OPA1: variants seen among roughly 807,000 people sequenced by gnomAD.
OPA1 encodes OPA1 mitochondrial dynamin like GTPase.
A neutral mutation model predicts 152.9 loss-of-function variants in OPA1; 59 were observed. That is an observed-to-expected ratio of 0.39 (90% CI 0.31 to 0.48). The LOEUF (loss-of-function observed/expected upper bound fraction) is 0.48, where lower values mean the gene tolerates loss of function less well. OPA1 is among the 20% of genes least tolerant of loss of function. The probability of loss-of-function intolerance (pLI) is 0.96; values close to 1 mark genes in which losing one functional copy is unlikely to be tolerated. For missense variants in OPA1, 1,008 were observed against 1,216.8 expected (o/e 0.83, Z 2.55); for synonymous variants, 400 against 389.9 (o/e 1.03, Z -0.31).
At chr3:193,600,480 T>C (rs1726296165) in intron 1 of OPA1, among the ~76,000 whole-genome samples, 2 of 152,196 alleles carry the variant, frequency 1.3e-5, no homozygotes, top group African/African-American at 2.4e-5. Flanking sequence ...GGGACTATTA[T>C]TATGACTGTT....
At chr3:193,607,646 C>T (rs1727500706) in intron 1 of OPA1, among the ~76,000 whole-genome samples, 1 of 152,178 alleles carries the variant, frequency 6.6e-6, no homozygotes, top group Non-Finnish European at 1.5e-5. Context: ...GTACCAGTAC[C>T]ATGCTGTTTT....
intron 1 of OPA1, among the ~76,000 whole-genome samples, chr3:193,612,741 C>T (rs968388634): frequency 6.6e-6 from 1 of 152,148 alleles, no homozygotes; most frequent in Non-Finnish European, 1.5e-5. Context: ...GTCCCAGACT[C>T]CTTGGATTGA....
intron 1 of OPA1, among the ~76,000 whole-genome samples, chr3:193,602,467 A>G (rs1293622929): frequency 2.6e-5 from 4 of 152,226 alleles, no homozygotes; most frequent in African/African-American, 9.6e-5. Context: ...GGCGTAATAC[A>G]TTAAAGCCTT....
chr3:193,639,096 G>C (rs889983683), intron 11 of OPA1, among the ~76,000 whole-genome samples: 1 of 152,192 alleles, frequency 6.6e-6, no homozygotes, highest in African/African-American at 2.4e-5. Context: ...GTCCATATCT[G>C]GGAGCACTGA....
Position 193,607,655 on chromosome 3 carries a change from T to C in OPA1, c.33-7068T>C, listed in dbSNP as rs141743698. On this transcript the variant is annotated intron_variant, in intron 1 of 30. Coordinates refer to ENST00000361510, the MANE Select transcript of OPA1 (RefSeq NM_130837.3). ...GTTTTGGTACCAGTACCATGCTGTT[T>C]TGGTGACTGTAGCCTTGTATAGTTT... Among the ~76,000 whole-genome samples the C allele has an allele frequency of 5.2e-3, 797 of 152,326 alleles. 5 individuals are homozygous for C. Among genetic ancestry groups the C allele is most frequent in the Non-Finnish European group, 9.3e-3 (634 of 68,038 alleles).
chr3:193,654,134 C>G (rs990825731), intron 21 of OPA1, among the ~76,000 whole-genome samples: 5 of 152,112 alleles, frequency 3.3e-5, no homozygotes, highest in African/African-American at 1.2e-4. Flanking sequence ...TGGAAACAGC[C>G]TAAGGGTCTA....
At position 193,695,289 on chromosome 3, in the gene OPA1, A is replaced by G. The variant is rs1188594211; in HGVS notation, c.*689A>G. 6.6e-6 allele frequency: 1 copy of G among 152,076 alleles called. No individual in the cohort carries two copies. The highest frequency in any genetic ancestry group is 1.5e-5 in the Non-Finnish European group (1 of 67,992). 9.4% of individuals were successfully genotyped at this position (152,076 alleles called of 1,614,324 possible). A position where few individuals can be genotyped will look rare whatever the true frequency, so the allele number is the denominator to read the frequency against. On this transcript the variant is annotated 3_prime_UTR_variant, in exon 31 of 31. Transcript: ENST00000361510. ...TATTTGATTCAGTTGCTGTTTTCTC[A>G]CTCTCTATATCCATTTGAAATTGAT...
chr3:193,609,321 T>C (rs1032209476), intron 1 of OPA1, among the ~76,000 whole-genome samples: 13 of 152,224 alleles, frequency 8.5e-5, no homozygotes, highest in Non-Finnish European at 1.3e-4. Flanking sequence ...GGATATGAAA[T>C]TCTGGGTTGA....
At chr3:193,663,611 A>G (rs1030834256) in intron 26 of OPA1, among the ~76,000 whole-genome samples, 30 of 152,234 alleles carry the variant, frequency 2.0e-4, no homozygotes, top group African/African-American at 7.0e-4. Flanking sequence ...AGCTCCTTAT[A>G]ATATTAGCTT....
chr3:193,675,133 G>A (rs1186061838), intron 29 of OPA1, among the ~76,000 whole-genome samples: 2 of 151,680 alleles, frequency 1.3e-5, no homozygotes, highest in African/African-American at 4.9e-5. Flanking sequence ...CATCTGCACT[G>A]GTGTGTTCTT....
At chr3:193,595,557 T>A (rs924643397) in intron 1 of OPA1, among the ~76,000 whole-genome samples, 1 of 152,258 alleles carries the variant, frequency 6.6e-6, no homozygotes, top group African/African-American at 2.4e-5. Context: ...TTATTGCTGC[T>A]GAGAATTCTT....
chr3:193,615,951 C>G (rs1033754521), intron 3 of OPA1, among the ~76,000 whole-genome samples, 181 bp downstream of exon 3: 3 of 152,120 alleles, frequency 2.0e-5, no homozygotes, highest in African/African-American at 4.8e-5. Flanking sequence ...CATAATTTTA[C>G]CACAGCTGCC....
Position 193,636,567 on chromosome 3 carries a change from A to T in OPA1, c.949-628A>T, listed in dbSNP as rs77485169. On this transcript the variant is annotated intron_variant, in intron 9 of 30. Coordinates refer to ENST00000361510, the MANE Select transcript of OPA1 (RefSeq NM_130837.3). Reference sequence around the variant, plus strand: ...GGCCTGTGTATTTTTTTGTTCATTCATTCATCAAATTTACATGAAGCTTGT... The same window carrying T: ...GGCCTGTGTATTTTTTTGTTCATTCTTTCATCAAATTTACATGAAGCTTGT... Among the ~76,000 whole-genome samples, 864 of 151,312 alleles carry T rather than the reference A, an allele frequency of 5.7e-3. 11 individuals are homozygous for T. The highest frequency in any genetic ancestry group is 0.02 in the African/African-American group (807 of 41,224).
rs529706241 is a variant in OPA1 at position 193,662,899 on chromosome 3, T to C, written c.2598T>C (p.Ser866=). ...CNEEHPAYLA[S]DEITTVRKNL... is the part of the protein sequence containing the mutation. ...AGGAGCACCCAGCTTATCTTGCAAG[T>C]GATGAAATAACCACAGTCCGGAAGA... Residue 866 remains serine (S), a synonymous_variant, in exon 26 of 31, where the codon AGT becomes AGC. Transcript: ENST00000361510. The C allele has an allele frequency of 6.2e-7, 1 of 1,613,576 alleles. No individual in the cohort carries two copies. Among genetic ancestry groups the C allele is most frequent in the African/African-American group, 1.3e-5 (1 of 75,000 alleles).
rs1225174118 is a variant in OPA1, at chr3:193,696,752, T to A, written c.*2152T>A. The A allele has an allele frequency of 1.3e-5, 2 of 152,202 alleles. No homozygotes were observed. Among genetic ancestry groups the A allele is most frequent in the Non-Finnish European group, 2.9e-5 (2 of 68,032 alleles). The allele number at this position is 152,202 out of a possible 1,614,324, so 9.4% of individuals were successfully genotyped here. On this transcript the variant is annotated 3_prime_UTR_variant, in exon 31 of 31. Transcript: ENST00000361510. ...GAATCATTTGTTTTTATGTCAGAAT[T>A]TGCAAAGAGTGGAGTGGACAAAGCT... is the stretch of plus-strand genomic sequence containing the variant.
At chr3:193,656,777 C>T (rs112222562) in intron 22 of OPA1, among the ~76,000 whole-genome samples, 3,849 of 152,142 alleles carry the variant, frequency 0.025, 52 homozygotes, top group Non-Finnish European at 0.03. Flanking sequence ...CAAGAGAAGC[C>T]GTAAATGCAG....
At chr3:193,693,263 A>G (rs1721918902) in intron 30 of OPA1, among the ~76,000 whole-genome samples, 1 of 152,260 alleles carries the variant, frequency 6.6e-6, no homozygotes, top group Non-Finnish European at 1.5e-5. Flanking sequence ...CATTCGGAAC[A>G]GTGTGCCAGC....
intron 29 of OPA1, among the ~76,000 whole-genome samples, chr3:193,684,893 C>T (rs1720722730): frequency 6.6e-6 from 1 of 152,012 alleles, no homozygotes; most frequent in Non-Finnish European, 1.5e-5. Context: ...ATACTGAAGC[C>T]TTTTGGGGAA....
intron 11 of OPA1, 37 bp from the exon 12 acceptor site, chr3:193,642,728 A>G: frequency 1.4e-6 from 2 of 1,425,298 alleles, no homozygotes. Flanking sequence ...ATTACTTATA[A>G]ATACATCATT....
Sources: gnomAD v4.1 joint callset for allele counts (sites outside exome capture counted in the v4.1 genomes callset) on GRCh38, gnomAD v4.1.1 for gene constraint, MANE v1.5 for transcripts, NCBI Gene and HGNC (gene_info 2026-07-23, HGNC 2026-07-21) for gene names.